HRNR: variants seen among roughly 807,000 people sequenced by gnomAD.
HRNR encodes the protein hornerin.
HRNR carries 7 observed loss-of-function variants against 4.8 expected under a neutral mutation model. That is an observed-to-expected ratio of 1.47 (90% confidence interval 0.83 to 2.75). HRNR has a LOEUF of 2.75. Ranked by LOEUF, HRNR falls within the 30% of genes most tolerant of loss-of-function variation. HRNR has a pLI of 0.00. For missense variants in HRNR, 2,879 were observed against 3,010.4 expected (o/e 0.96, Z 1.02); for synonymous variants, 1,023 against 1,242.7 (o/e 0.82, Z 3.72).
Position 152,220,116 on chromosome 1 carries a change from C to A in HRNR, c.1513G>T (p.Glu505Ter). 6.2e-7 allele frequency: 1 copy of A among 1,613,612 alleles called. No individual in the cohort carries two copies. The highest frequency in any genetic ancestry group is 1.7e-5 in the Admixed American group (1 of 59,992). Reference protein sequence around the residue: ...GSRSGQSSRGERQGSSAGSSS... With the variant: ...GSRSGQSSRG ...GAACCTGCACTAGATCCTTGTCGTT[C>A]ACCCCTAGATGACTGTCCTGACCTA... Residue 505 changes from glutamate (E) to a stop codon, truncating the protein, a stop_gained, in exon 3 of 3, where the codon GAA (glutamate) becomes TAA (stop). Transcript: ENST00000368801. LOFTEE classifies it low-confidence loss of function (END_TRUNC).
In HRNR at chr1:152,219,115, G is replaced by A. The variant is rs772577070; in HGVS notation, c.2514C>T (p.Phe838=). 1.2e-5 allele frequency: 19 copies of A among 1,613,804 alleles called. No individual in the cohort carries two copies. Among genetic ancestry groups the A allele is most frequent in the Non-Finnish European group, 1.4e-5 (17 of 1,179,996 alleles). ...TAGATCCATGTCGTCCCTGGCTAGAGAAGTGACCTGAGGCAGAACCATGCT... is the reference window on the plus strand; with the variant it reads ...TAGATCCATGTCGTCCCTGGCTAGAAAAGTGACCTGAGGCAGAACCATGCT... The part of the protein sequence containing the change: ...YSQHGSASGH[F]SSQGRHGSTS... Residue 838 remains phenylalanine (F), a synonymous_variant, in exon 3 of 3, where the codon TTC becomes TTT. Coordinates refer to ENST00000368801, the MANE Select transcript of HRNR (RefSeq NM_001009931.3).
At chr1:152,222,332 C>A (rs189151106) in intron 2 of HRNR, among the ~76,000 whole-genome samples, 2 of 152,204 alleles carry the variant, frequency 1.3e-5, no homozygotes, top group East Asian at 3.9e-4. Context: ...GAACTTTGTA[C>A]TTCATTTTAA....
chr1:152,219,195 C>G lies in HRNR; in HGVS notation c.2434G>C (p.Gly812Arg), dbSNP rs1432119036. Reference protein sequence around the residue: ...SSCGHYESGSGQASGFGQHES... With the variant: ...SSCGHYESGSRQASGFGQHES... Reference sequence around the variant, plus strand: ...TGTTGCCCAAAACCAGAAGCCTGGCCTGAGCCAGACTCATAATGGCCACAG... The same window carrying G: ...TGTTGCCCAAAACCAGAAGCCTGGCGTGAGCCAGACTCATAATGGCCACAG... Residue 812 changes from glycine (G) to arginine (R), a missense_variant, in exon 3 of 3, where the codon GGC becomes CGC. This residue lies in a region of HRNR where 2,646 missense variants were observed against 1,377.7 expected (regional missense o/e 1.92). Transcript: ENST00000368801. 1.2e-5 allele frequency: 19 copies of G among 1,614,038 alleles called. No homozygotes were observed. Among genetic ancestry groups the G allele is most frequent in the South Asian group, 9.9e-5 (9 of 91,080 alleles).
rs374628330 is a variant in HRNR at position 152,223,111 on chromosome 1, C to G, written c.138+5G>C. ...CATAACTCCATCCTGGCGTGGAGTT[C>G]TTACCTTCAGAATTTGATGAAACTC... On this transcript the variant is annotated splice_donor_5th_base_variant and intron_variant, in intron 2 of 2. Coordinates refer to ENST00000368801, the MANE Select transcript of HRNR (RefSeq NM_001009931.3). The G allele has an allele frequency of 1.9e-6, 3 of 1,613,228 alleles. No individual in the cohort carries two copies. The African/African-American group carries it at 4.0e-5, about 22-fold the overall frequency.
chr1:152,219,431 G>T lies in HRNR; in HGVS notation c.2198C>A (p.Ser733Ter), dbSNP rs747727856. The T allele has an allele frequency of 6.2e-7, 1 of 1,614,078 alleles. No individual in the cohort carries two copies. The highest frequency in any genetic ancestry group is 8.5e-7 in the Non-Finnish European group (1 of 1,180,022). Reference sequence around the variant, plus strand: ...TTGTTCACTCCTAGATGACTGTCCTGACCTAGAGCCGTGTTTTCTGTAGCC... The same window carrying T: ...TTGTTCACTCCTAGATGACTGTCCTTACCTAGAGCCGTGTTTTCTGTAGCC... ...SSGYRKHGSRSGQSSRSEQHG... is the reference protein window; with the variant it reads ...SSGYRKHGSR Residue 733 changes from serine (S) to a stop codon, truncating the protein, a stop_gained, in exon 3 of 3, where the codon TCA (serine) becomes TAA (stop). Coordinates refer to ENST00000368801, the MANE Select transcript of HRNR (RefSeq NM_001009931.3). LOFTEE classifies it low-confidence loss of function (END_TRUNC).
Position 152,219,004 on chromosome 1 carries a change from A to C in HRNR, c.2625T>G (p.His875Gln). Residue 875 changes from histidine to glutamine, a missense_variant, in exon 3 of 3, where the codon CAT becomes CAG. Coordinates refer to ENST00000368801, the MANE Select transcript of HRNR (RefSeq NM_001009931.3). ...SSYGQHESAS[H>Q]HASGRGRHGS... is the part of the protein sequence containing the mutation. ...CATGTCGGCCGCGGCCCGAAGCGTG[A>C]TGGGAGGCAGACTCATGCTGACCAT... 6.2e-7 allele frequency: 1 copy of C among 1,613,758 alleles called. No homozygotes were observed. The highest frequency in any genetic ancestry group is 2.2e-5 in the East Asian group (1 of 44,856).
In HRNR at chr1:152,220,295, C is replaced by T. The variant is rs1395925343; in HGVS notation, c.1334G>A (p.Gly445Asp). 2 of 1,614,032 alleles carry T rather than the reference C, an allele frequency of 1.2e-6. No homozygotes were observed. The highest frequency in any genetic ancestry group is 2.2e-5 in the East Asian group (1 of 44,840). Residue 445 changes from glycine to aspartate, a missense_variant, in exon 3 of 3, where the codon GGC becomes GAC. Physicochemically the swap from Gly to Asp is moderately conservative, Grantham distance 94. Coordinates refer to ENST00000368801, the MANE Select transcript of HRNR (RefSeq NM_001009931.3). ...QSPSSGQHGT[G>D]FGRSSSSGPY... Reference sequence around the variant, plus strand: ...GCCACTGCTGGAAGATCGACCAAAGCCAGTCCCATGTTGGCCGGAGCTGGG... The same window carrying T: ...GCCACTGCTGGAAGATCGACCAAAGTCAGTCCCATGTTGGCCGGAGCTGGG...
In HRNR at chr1:152,219,109, GC is replaced by G; in HGVS notation, c.2519del (p.Ser840ThrfsTer211). The G allele has an allele frequency of 3.7e-6, 6 of 1,613,880 alleles. No individual in the cohort carries two copies. The highest frequency in any genetic ancestry group is 5.1e-6 in the Non-Finnish European group (6 of 1,180,010). ...CTGACGTAGATCCATGTCGTCCCTG[GC>G]TAGAGAAGTGACCTGAGGCAGAACC... is the stretch of plus-strand genomic sequence containing the variant. ...QHGSASGHFS[S>X]QGRHGSTSGQ... is the part of the protein sequence containing the mutation. On this transcript the variant is annotated frameshift_variant, in exon 3 of 3. Transcript: ENST00000368801. LOFTEE classifies it low-confidence loss of function (END_TRUNC).
In HRNR at chr1:152,223,334, CACAT is replaced by C. The variant is rs1295633168; in HGVS notation, c.-25-60_-25-57del. On this transcript the variant is annotated intron_variant, in intron 1 of 2. Coordinates refer to ENST00000368801, the MANE Select transcript of HRNR (RefSeq NM_001009931.3). ...TTACTATTCTTATTTCTTGTTTAAA[CACAT>C]AAATAGTTCTAATTATTTATAATAA... 34 of 1,033,744 alleles carry C rather than the reference CACAT, an allele frequency of 3.3e-5. No homozygotes were observed. In the African/African-American group the frequency reaches 5.2e-4, roughly 16 times the overall value. The allele number at this position is 1,033,744 out of a possible 1,614,324, so 64.0% of individuals were successfully genotyped here. A position where few individuals can be genotyped will look rare whatever the true frequency, so the allele number is the denominator to read the frequency against.
Position 152,218,595 on chromosome 1 carries a change from C to A in HRNR, c.3034G>T (p.Gly1012Cys). 1 of 1,613,462 alleles carries A rather than the reference C, an allele frequency of 6.2e-7. No individual in the cohort carries two copies. Among genetic ancestry groups the A allele is most frequent in the East Asian group, 2.2e-5 (1 of 44,772 alleles). ...GSGQSPSPSR[G>C]RHGSGSGQSS... ...TGCCCGGAACCAGACCCATGTCGGCCACGGCTAGGGCTAGGAGACTGGCCA... is the reference window on the plus strand; with the variant it reads ...TGCCCGGAACCAGACCCATGTCGGCAACGGCTAGGGCTAGGAGACTGGCCA... The change falls in exon 3 of 3, where the codon GGC becomes TGC. Residue 1012 changes from glycine (G) to cysteine (C), a missense_variant. Physicochemically the swap from Gly to Cys is radical, Grantham distance 159. Transcript: ENST00000368801.
At position 152,220,861 on chromosome 1, in the gene HRNR, G is replaced by A. The variant is rs754277653; in HGVS notation, c.768C>T (p.Gly256=). The A allele has an allele frequency of 1.2e-6, 2 of 1,613,994 alleles. No homozygotes were observed. Among genetic ancestry groups the A allele is most frequent in the African/African-American group, 1.3e-5 (1 of 74,892 alleles). Residue 256 remains glycine, a synonymous_variant, in exon 3 of 3, where the codon GGC becomes GGT. Coordinates refer to ENST00000368801, the MANE Select transcript of HRNR (RefSeq NM_001009931.3). ...CTGACCTAGAGCCGTGTTGTCCGTA[G>A]CCAGAGGAGTGACCTGAGCCAGATC... is the stretch of plus-strand genomic sequence containing the variant. ...QHGSGSGHSS[G]YGQHGSRSGQ...
Position 152,220,614 on chromosome 1 carries a change from C to G in HRNR, c.1015G>C (p.Glu339Gln). The G allele has an allele frequency of 6.2e-7, 1 of 1,612,394 alleles. No homozygotes were observed. The highest frequency in any genetic ancestry group is 1.1e-5 in the South Asian group (1 of 90,898). Residue 339 changes from glutamate to glutamine, a missense_variant, in exon 3 of 3, where the codon GAG becomes CAG. This residue lies in a region of HRNR where 2,646 missense variants were observed against 1,377.7 expected (regional missense o/e 1.92). Transcript: ENST00000368801. ...CCAGAAGTCTGGCCTGAGCCAGACT[C>G]ATAATGGCCACGGCTGTAAGAGTAA... ...SSYSYSRGHY[E>Q]SGSGQTSGFG...
In HRNR at chr1:152,221,038, A is replaced by T. The variant is rs150000028; in HGVS notation, c.591T>A (p.Ser197=). The stretch of plus-strand genomic sequence containing the variant: ...CATAGTTGGGAGACTGCCCTGACCC[A>T]GACCCACATTGGCCGCGGCCTGAAG... The part of the protein sequence containing the change: ...HQSSGRGQCG[S]GSGQSPNYGQ... Residue 197 remains serine, a synonymous_variant, in exon 3 of 3, where the codon TCT becomes TCA. Transcript: ENST00000368801. The T allele has an allele frequency of 3.3e-5, 53 of 1,613,438 alleles. No homozygotes were observed. The highest frequency in any genetic ancestry group is 4.2e-5 in the Non-Finnish European group (50 of 1,179,528).
Position 152,220,921 on chromosome 1 carries a change from A to C in HRNR, c.708T>G (p.Ser236=). 1 of 1,612,460 alleles carries C rather than the reference A, an allele frequency of 6.2e-7. No individual in the cohort carries two copies. The highest frequency in any genetic ancestry group is 2.2e-5 in the East Asian group (1 of 44,870). Residue 236 remains serine, a synonymous_variant, in exon 3 of 3, where the codon TCT becomes TCG. Transcript: ENST00000368801. ...GQSSGFSQHK[S]SSGQSSGYSQ... The stretch of plus-strand genomic sequence containing the variant: ...TGTAACCAGAGGACTGCCCTGAGCT[A>C]GACTTGTGTTGACTAAAGCCAGAAG...
At position 152,221,145 on chromosome 1, in the gene HRNR, G is replaced by A. The variant is rs1325187210; in HGVS notation, c.484C>T (p.Gln162Ter). The change falls in exon 3 of 3, where the codon CAA becomes TAA. Residue 162 changes from glutamine (Q) to a stop codon, truncating the protein, a stop_gained. Coordinates refer to ENST00000368801, the MANE Select transcript of HRNR (RefSeq NM_001009931.3). LOFTEE classifies it low-confidence loss of function (END_TRUNC). The stretch of plus-strand genomic sequence containing the variant: ...TTATGTTGGCCAGAAAAGTCTCTTT[G>A]AAAACTCAGTCTTCTGGATATGGAT... ...TESISRRLSF[Q>*]RDFSGQHNSY... The A allele has an allele frequency of 5.0e-6, 8 of 1,614,196 alleles. No individual in the cohort carries two copies. The highest frequency in any genetic ancestry group is 6.8e-6 in the Non-Finnish European group (8 of 1,180,032).
At position 152,219,071 on chromosome 1, in the gene HRNR, C is replaced by G. The variant is rs764209221; in HGVS notation, c.2558G>C (p.Ser853Thr). ...RHGSTSGQSS[S>T]SGQHDSSSGQ... ...TGAGCTAGAGTCATGTTGGCCGGAG[C>G]TTGATGACTGCCCTGACGTAGATCC... is the stretch of plus-strand genomic sequence containing the variant. The change falls in exon 3 of 3, where the codon AGC becomes ACC. Residue 853 changes from serine (S) to threonine (T), a missense_variant. This residue lies in a region of HRNR where 2,646 missense variants were observed against 1,377.7 expected (regional missense o/e 1.92). Coordinates refer to ENST00000368801, the MANE Select transcript of HRNR (RefSeq NM_001009931.3). 1.7e-5 allele frequency: 28 copies of G among 1,613,566 alleles called. No individual in the cohort carries two copies. Among genetic ancestry groups the G allele is most frequent in the South Asian group, 2.2e-5 (2 of 91,068 alleles).
chr1:152,218,402 T>C lies in HRNR; in HGVS notation c.3227A>G (p.His1076Arg). ...TCCTGATGTAGAACCGTGTTGCCCA[T>C]GGGTAGAGGAATGACCTGAGCTAGA... The part of the protein sequence containing the change: ...HGSSSGHSST[H>R]GQHGSTSGQS... Residue 1076 changes from histidine to arginine, a missense_variant, in exon 3 of 3, where the codon CAT becomes CGT. His to Arg is a conservative substitution (Grantham distance 29). This residue lies in a region of HRNR where 2,646 missense variants were observed against 1,377.7 expected (regional missense o/e 1.92). Coordinates refer to ENST00000368801, the MANE Select transcript of HRNR (RefSeq NM_001009931.3). The C allele has an allele frequency of 6.2e-7, 1 of 1,612,766 alleles. No individual in the cohort carries two copies. Among genetic ancestry groups the C allele is most frequent in the South Asian group, 1.1e-5 (1 of 91,040 alleles).
At chr1:152,223,045 T>C (rs1332154505) in intron 2 of HRNR, 71 bp downstream of exon 2, 2 of 1,453,446 alleles carry the variant, frequency 1.4e-6, no homozygotes, top group Non-Finnish European at 1.9e-6. Flanking sequence ...GTTTGACATA[T>C]GTGACAAGAA....
rs1164657075 is a variant in HRNR, at chr1:152,219,682, A to C, written c.1947T>G (p.Tyr649Ter). 2 of 1,613,130 alleles carry C rather than the reference A, an allele frequency of 1.2e-6. No individual in the cohort carries two copies. Among genetic ancestry groups the C allele is most frequent in the East Asian group, 4.5e-5 (2 of 44,788 alleles). The part of the protein sequence containing the change: ...HGSGSSQSSR[Y>*]GQQGSGSGQS... ...GGCCAGATCCAGAGCCCTGTTGGCC[A>C]TAGCGAGAAGACTGACTTGAGCCAG... The change falls in exon 3 of 3, where the codon TAT becomes TAG. Residue 649 changes from tyrosine (Y) to a stop codon, truncating the protein, a stop_gained. Coordinates refer to ENST00000368801, the MANE Select transcript of HRNR (RefSeq NM_001009931.3). LOFTEE classifies it low-confidence loss of function (END_TRUNC).
Sources: gnomAD v4.1 joint callset for allele counts (sites outside exome capture counted in the v4.1 genomes callset) on GRCh38, gnomAD v4.1.1 for gene constraint, gnomAD v4.1.1 regional missense constraint, MANE v1.5 for transcripts, NCBI Gene and HGNC (gene_info 2026-07-23, HGNC 2026-07-21) for gene names.